The following PXYLP1 variants were observed in gnomAD, a reference collection of about 807,000 sequenced individuals.
PXYLP1 encodes 2-phosphoxylose phosphatase 1.
In PXYLP1, 17 loss-of-function variants were observed where a neutral mutation model predicts 37.9. The observed-to-expected ratio is 0.45, with a 90% confidence interval of 0.31 to 0.67. PXYLP1 has a LOEUF of 0.67. Ranked by LOEUF, PXYLP1 falls within the 30% of genes least tolerant of loss-of-function variation. The pLI is 0.07. For missense variants in PXYLP1, 511 were observed against 612.0 expected (o/e 0.84, Z 1.74); for synonymous variants, 221 against 232.2 (o/e 0.95, Z 0.44).
intron 1 of PXYLP1, among the ~76,000 whole-genome samples, chr3:141,255,044 C>G (rs988638340): frequency 3.9e-5 from 6 of 152,146 alleles, no homozygotes; most frequent in African/African-American, 1.2e-4. Context: ...TGTAAAAATG[C>G]CTTTGACGTG....
chr3:141,272,314 G>C (rs1374914671), intron 2 of PXYLP1, among the ~76,000 whole-genome samples: 1 of 152,166 alleles, frequency 6.6e-6, no homozygotes. Context: ...ACAGGGGTTT[G>C]TGGCCTAGCA....
chr3:141,238,932 G>A (rs1389504626), intron 1 of PXYLP1, among the ~76,000 whole-genome samples: 1 of 152,086 alleles, frequency 6.6e-6, no homozygotes, highest in Non-Finnish European at 1.5e-5. Flanking sequence ...GGAGGAAGAG[G>A]AGGGGTTGGT....
intron 2 of PXYLP1, among the ~76,000 whole-genome samples, chr3:141,261,005 C>G (rs1053742290): frequency 3.3e-5 from 5 of 152,180 alleles, no homozygotes; most frequent in African/African-American, 9.6e-5. Context: ...CTCCTCACCC[C>G]CTCTCATTGT....
intron 1 of PXYLP1, among the ~76,000 whole-genome samples, chr3:141,241,683 G>A (rs911134058): frequency 6.6e-5 from 10 of 152,206 alleles, no homozygotes; most frequent in African/African-American, 1.4e-4. Flanking sequence ...CCATTCACCC[G>A]TCCAACACTG....
intron 1 of PXYLP1, among the ~76,000 whole-genome samples, chr3:141,257,493 T>A (rs1941287576): frequency 6.6e-6 from 1 of 151,924 alleles, no homozygotes; most frequent in Non-Finnish European, 1.5e-5. Flanking sequence ...CATGAAAAAA[T>A]TGGGGGCTGT....
chr3:141,248,578 T>TATGTATATACAC (rs1941027401), intron 1 of PXYLP1, among the ~76,000 whole-genome samples: 1 of 74,374 alleles, frequency 1.3e-5, no homozygotes, highest in Non-Finnish European at 2.2e-5. Flanking sequence ...TATACACACA[T>TATGTATATACAC]GTATATATAC....
intron 1 of PXYLP1, among the ~76,000 whole-genome samples, chr3:141,250,553 A>G (rs2148718678): frequency 6.6e-6 from 1 of 152,352 alleles, no homozygotes; most frequent in East Asian, 1.9e-4. Flanking sequence ...GTGTGGGCAC[A>G]TGACACACTT....
intron 4 of PXYLP1, among the ~76,000 whole-genome samples, chr3:141,280,455 CT>C (rs2148818658): frequency 6.6e-6 from 1 of 152,366 alleles, no homozygotes; most frequent in Non-Finnish European, 1.5e-5. Context: ...GTTGGCCTGG[CT>C]GCCTCTGCCC....
intron 2 of PXYLP1, chr3:141,262,125 A>T (rs1941406871): frequency 3.5e-6 from 1 of 285,386 alleles, no homozygotes; most frequent in African/African-American, 2.3e-5. Flanking sequence ...TCAAGAGAGG[A>T]GACTTTGAGG....
chr3:141,279,121 C>T (rs1048361423), intron 3 of PXYLP1, among the ~76,000 whole-genome samples: 15 of 152,226 alleles, frequency 9.9e-5, no homozygotes, highest in Non-Finnish European at 1.8e-4. Context: ...ACCAGCCTCC[C>T]GTTGTTTCCA....
chr3:141,255,686 G>A (rs879265770), intron 1 of PXYLP1, among the ~76,000 whole-genome samples: 2 of 152,214 alleles, frequency 1.3e-5, no homozygotes, highest in East Asian at 1.9e-4. Context: ...AGGGGTAGGC[G>A]CAGAGCTCCT....
chr3:141,248,377 G>A (rs1231670190), intron 1 of PXYLP1, among the ~76,000 whole-genome samples: 1 of 151,780 alleles, frequency 6.6e-6, no homozygotes, highest in Non-Finnish European at 1.5e-5. Context: ...GCTGGGACTC[G>A]AGGCAGTTCA....
chr3:141,239,334 C>G (rs928526352), intron 1 of PXYLP1, among the ~76,000 whole-genome samples: 11 of 152,096 alleles, frequency 7.2e-5, no homozygotes, highest in African/African-American at 2.4e-4. Context: ...CATTTATGGT[C>G]GAAGGTCATG....
chr3:141,248,032 T>G (rs911078144), intron 1 of PXYLP1, among the ~76,000 whole-genome samples: 4 of 149,226 alleles, frequency 2.7e-5, no homozygotes, highest in African/African-American at 9.8e-5. Flanking sequence ...TGTTTTTTTT[T>G]TTTTTTTTGA....
rs200178124 is a variant in PXYLP1 at position 141,293,642 on chromosome 3, A to G, written c.*437A>G. ...TGATTTATCTAAAATAAAGGTTGGC[A>G]AACTTTTTCTGTAAAGGGCCAGATT... On this transcript the variant is annotated 3_prime_UTR_variant, in exon 6 of 6. Transcript: ENST00000286353. 92 of 161,888 alleles carry G rather than the reference A, an allele frequency of 5.7e-4. No individual in the cohort carries two copies. The East Asian group carries it at 0.012, about 21-fold the overall frequency. The allele number at this position is 161,888 out of a possible 1,614,324, so 10.0% of individuals were successfully genotyped here.
At chr3:141,253,092 C>G (rs1941180319) in intron 1 of PXYLP1, among the ~76,000 whole-genome samples, 1 of 151,748 alleles carries the variant, frequency 6.6e-6, no homozygotes, top group Admixed American at 6.6e-5. Context: ...GTGGATCCTG[C>G]AATCAGACCC....
chr3:141,278,620 G>A (rs983169301), intron 3 of PXYLP1, 120 bp downstream of exon 3: 43 of 1,332,002 alleles, frequency 3.2e-5, no homozygotes, highest in Non-Finnish European at 4.1e-5. Flanking sequence ...CCACCAGGCT[G>A]TGCCCTTGAA....
chr3:141,256,675 A>ATT (rs1278691764), intron 1 of PXYLP1, among the ~76,000 whole-genome samples: 1 of 152,224 alleles, frequency 6.6e-6, no homozygotes, highest in East Asian at 1.9e-4. Flanking sequence ...AAGTATGATC[A>ATT]TTATCTTCAA....
chr3:141,273,517 G>A (rs1182297152), intron 2 of PXYLP1: 1 of 985,320 alleles, frequency 1.0e-6, no homozygotes, highest in Non-Finnish European at 1.2e-6. Flanking sequence ...GTGGGGAAGG[G>A]TGGTGGGGAG....
Sources: allele counts gnomAD v4.1 joint callset (sites outside exome capture counted in the v4.1 genomes callset), GRCh38; gene constraint gnomAD v4.1.1; transcripts MANE v1.5; gene names NCBI Gene and HGNC (gene_info 2026-07-23, HGNC 2026-07-21).